The following PDLIM2 variants were observed in gnomAD, a reference collection of about 807,000 sequenced individuals.
PDLIM2 encodes the protein PDZ and LIM domain 2, also known as PDZ and LIM domain protein 2.
In PDLIM2, 51 loss-of-function variants were observed where a neutral mutation model predicts 54.1. The observed-to-expected ratio is 0.94, with a 90% confidence interval of 0.75 to 1.19. PDLIM2 has a LOEUF of 1.19. Ranked by LOEUF, PDLIM2 falls within the 50% of genes most tolerant of loss-of-function variation. The pLI is 0.00. For synonymous variants in PDLIM2, 398 were observed against 385.6 expected (o/e 1.03, Z -0.38); for missense variants, 912 against 874.0 (o/e 1.04, Z -0.55).
intron 3 of PDLIM2, among the ~76,000 whole-genome samples, chr8:22,582,702 C>A (rs1800242762): frequency 6.6e-6 from 1 of 151,708 alleles, no homozygotes; most frequent in Admixed American, 6.6e-5. Context: ...CTGACTCAGC[C>A]TCCTGAGTAC....
chr8:22,586,242 G>A (rs1243458196), intron 6 of PDLIM2, among the ~76,000 whole-genome samples: 1 of 152,212 alleles, frequency 6.6e-6, no homozygotes, highest in Admixed American at 6.5e-5. Context: ...CTTTCTGGGG[G>A]CCTTCCGAAC....
At chr8:22,594,902 GGAGA>G (rs1339320396), downstream of PDLIM2, 1 of 413,276 alleles carries the variant, frequency 2.4e-6, no homozygotes, top group Non-Finnish European at 4.3e-6. Flanking sequence ...TTCCAGCCTG[GGAGA>G]GAGAGAGGAC....
intron 2 of PDLIM2, chr8:22,580,912 C>A (rs764374382): frequency 1.4e-6 from 1 of 706,892 alleles, no homozygotes; most frequent in South Asian, 1.5e-5. Flanking sequence ...GAGCTGGGAC[C>A]AGGACAGGGC....
exon 6 of PDLIM2, chr8:22,585,343 C>T (rs1800343871): frequency 6.2e-7 from 1 of 1,612,728 alleles, no homozygotes; most frequent in African/African-American, 1.3e-5. Flanking sequence ...GGCATGTTCC[C>T]CGGGCCTCCC....
Position 22,581,460 on chromosome 8 carries a change from G to GGCATGAT in PDLIM2, c.930_931insATGCATG (p.Leu311MetfsTer55). On this transcript the variant is annotated frameshift_variant, in exon 3 of 10. Coordinates refer to ENST00000308354, the Ensembl canonical transcript of PDLIM2. LOFTEE classifies it high-confidence loss of function. ...GGCCATCAACGGGGAAAGCGCGGAG[G>GGCATGAT]GCATGCTGCATGCCGAGGCCCAGAG... 6.2e-7 allele frequency: 1 copy of GGCATGAT among 1,607,592 alleles called. No individual in the cohort carries two copies. Among genetic ancestry groups the GGCATGAT allele is most frequent in the East Asian group, 2.2e-5 (1 of 44,816 alleles).
intron 2 of PDLIM2, chr8:22,581,109 CAA>C (rs1800188043): frequency 2.9e-6 from 2 of 679,690 alleles, no homozygotes; most frequent in African/African-American, 3.6e-5. Flanking sequence ...GCTCTCTATC[CAA>C]AAGTATTTCC....
At chr8:22,590,593 C>T (rs1009277271) in intron 8 of PDLIM2, 9 of 152,312 alleles carry the variant, frequency 5.9e-5, no homozygotes, top group South Asian at 2.1e-4. Context: ...GATGACAGGA[C>T]AGGTAGGAGA....
chr8:22,585,344 C>T (rs747932415), exon 6 of PDLIM2: 113 of 1,612,704 alleles, frequency 7.0e-5, no homozygotes, highest in Middle Eastern at 1.6e-4. Flanking sequence ...GCATGTTCCC[C>T]GGGCCTCCCC....
intron 3 of PDLIM2, among the ~76,000 whole-genome samples, chr8:22,582,939 C>T (rs1394905581): frequency 7.9e-5 from 11 of 138,524 alleles, no homozygotes; most frequent in Middle Eastern, 3.5e-3. Context: ...CTCCCGCCTC[C>T]TACCCTCCCA....
intron 3 of PDLIM2, among the ~76,000 whole-genome samples, chr8:22,583,537 G>A (rs1316571472): frequency 2.6e-5 from 4 of 152,138 alleles, no homozygotes; most frequent in Non-Finnish European, 4.4e-5. Flanking sequence ...AGGCCGAGTC[G>A]GGCGGATCAC....
downstream of PDLIM2, chr8:22,594,713 C>A: frequency 6.5e-7 from 1 of 1,542,774 alleles, no homozygotes; most frequent in Non-Finnish European, 8.7e-7. Flanking sequence ...CCAGGTTGAT[C>A]TACCGACACC....
chr8:22,579,294 T>G (rs1361141956), exon 1 of PDLIM2: 3 of 1,385,608 alleles, frequency 2.2e-6, no homozygotes, highest in African/African-American at 1.5e-5. Flanking sequence ...TCCGCGCCCC[T>G]GTCGGCGCGG....
chr8:22,594,951 G>A (rs1229577792), downstream of PDLIM2: 2 of 264,650 alleles, frequency 7.6e-6, no homozygotes, highest in East Asian at 2.0e-4. Flanking sequence ...ACAAATGAAT[G>A]CATGTGGCCA....
At chr8:22,589,794 G>C (rs1800490643) in intron 8 of PDLIM2, 53 bp downstream of exon 7, 2 of 1,547,258 alleles carry the variant, frequency 1.3e-6, no homozygotes, top group Non-Finnish European at 8.7e-7. Context: ...CGTACCCCGG[G>C]CCCTGACTGG....
chr8:22,594,045 G>C (rs1422471563), exon 10 of PDLIM2: 10 of 1,450,812 alleles, frequency 6.9e-6, no homozygotes, highest in Non-Finnish European at 9.0e-6. Context: ...TGTCCTCGCT[G>C]GGTGGGCCAA....
At position 22,589,687 on chromosome 8, in the gene PDLIM2, C is replaced by T. The variant is rs753556781; in HGVS notation, c.1459C>T (p.Arg487Ter). 3.8e-6 allele frequency: 6 copies of T among 1,575,138 alleles called. No individual in the cohort carries two copies. The highest frequency in any genetic ancestry group is 3.6e-5 in the Admixed American group (2 of 55,006). Residue 487 changes from arginine to a stop codon, truncating the protein, a stop_gained, in exon 8 of 10, where the codon CGA (arginine) becomes TGA (stop). Coordinates refer to ENST00000308354, the Ensembl canonical transcript of PDLIM2. LOFTEE classifies it high-confidence loss of function. ...AAATCGCGAGGGACGGGCGGCCCCCCGACAGTCCAGCTCCTTTCGGCTCTT... is the reference window on the plus strand; with the variant it reads ...AAATCGCGAGGGACGGGCGGCCCCCTGACAGTCCAGCTCCTTTCGGCTCTT...
chr8:22,589,862 C>T (rs1800492679), intron 8 of PDLIM2, 121 bp downstream of exon 7: 3 of 1,371,670 alleles, frequency 2.2e-6, no homozygotes, highest in Non-Finnish European at 3.0e-6. Context: ...CAGGACTAGG[C>T]ACGGAGCCGA....
At chr8:22,587,893 C>T (rs977531292) in intron 6 of PDLIM2, 1 of 152,332 alleles carries the variant, frequency 6.6e-6, no homozygotes, top group African/African-American at 2.4e-5. Flanking sequence ...CAGGTTCCCC[C>T]TGCTGGTAGG....
At chr8:22,581,264 G>A in intron 2 of PDLIM2, 115 bp from the exon 2 acceptor site, 1 of 1,337,988 alleles carries the variant, frequency 7.5e-7, no homozygotes, top group Non-Finnish European at 1.0e-6. Context: ...GGACATGCAG[G>A]AGGGTGCAGG....
Sources: gnomAD v4.1 joint callset for allele counts (sites outside exome capture counted in the v4.1 genomes callset) on GRCh38, gnomAD v4.1.1 for gene constraint, MANE v1.5 for transcripts, NCBI Gene and HGNC (gene_info 2026-07-23, HGNC 2026-07-21) for gene names.